TBC1D30: variants seen among roughly 807,000 people sequenced by gnomAD.
The protein encoded by TBC1D30 is TBC1 domain family member 30.
TBC1D30 carries 31 observed loss-of-function variants against 63.2 expected under a neutral mutation model. That is an observed-to-expected ratio of 0.49 (90% CI 0.37 to 0.66). The LOEUF is 0.66. Among genes scored for constraint, TBC1D30 ranks in the 30% least tolerant of loss-of-function variants. TBC1D30 has a pLI of 0.00. For missense variants in TBC1D30, 810 were observed against 953.6 expected, an observed-to-expected ratio of 0.85 and a Z score of 1.98; for synonymous variants, 307 against 361.5, an observed-to-expected ratio of 0.85 and a Z score of 1.71.
At chr12:64,780,709 G>A (rs890514277) in exon 1 of TBC1D30, 2 of 972,738 alleles carry the variant, frequency 2.1e-6, no homozygotes, top group Non-Finnish European at 2.4e-6. Flanking sequence ...CGCCCGGGAG[G>A]GCACCACCGG....
At chr12:64,760,950 C>G (rs61932682) in intron 1 of TBC1D30, among the ~76,000 whole-genome samples, 17,635 of 151,770 alleles carry the variant, frequency 0.12, 1,301 homozygotes, top group East Asian at 0.3. Context: ...ACCCAATCAT[C>G]AGGCTTATGA....
chr12:64,819,836 G>C (rs1169795403), upstream of TBC1D30, among the ~76,000 whole-genome samples: 3 of 152,218 alleles, frequency 2.0e-5, no homozygotes, highest in Non-Finnish European at 4.4e-5. Flanking sequence ...GATGAGGAGA[G>C]AGGAGGAAGA....
At chr12:64,869,819 A>G (rs1336696732) in intron 10 of TBC1D30, among the ~76,000 whole-genome samples, 2 of 152,172 alleles carry the variant, frequency 1.3e-5, no homozygotes, top group Non-Finnish European at 1.5e-5. Flanking sequence ...TCTGAATAAC[A>G]CTCTCAGCAG....
chr12:64,795,389 A>C (rs1277907852), intron 2 of TBC1D30, among the ~76,000 whole-genome samples: 2 of 152,148 alleles, frequency 1.3e-5, no homozygotes. Context: ...CTGGTTGTCC[A>C]AGGACTCTGT....
chr12:64,857,956 T>G (rs1440961010), intron 8 of TBC1D30, among the ~76,000 whole-genome samples: 1 of 152,100 alleles, frequency 6.6e-6, no homozygotes, highest in South Asian at 2.1e-4. Flanking sequence ...CCATGTCTTA[T>G]GGCCACTGCC....
At position 64,878,289 on chromosome 12, in the gene TBC1D30, A is replaced by T; in HGVS notation, c.*2501A>T. 1 of 342,808 alleles carries T rather than the reference A, an allele frequency of 2.9e-6. No individual in the cohort carries two copies. The highest frequency in any genetic ancestry group is 5.8e-6 in the Non-Finnish European group (1 of 172,502). The allele number at this position is 342,808 out of a possible 1,614,324, so 21.2% of individuals were successfully genotyped here. ...TACTTTAGAAAATAAAGAAACCTGC[A>T]GTAGCCTCTACCACACAGCATGTAC... On this transcript the variant is annotated 3_prime_UTR_variant, in exon 12 of 12. Transcript: ENST00000539867.
upstream of TBC1D30, among the ~76,000 whole-genome samples, chr12:64,822,289 T>C (rs1873932224): frequency 6.6e-6 from 1 of 151,882 alleles, no homozygotes; most frequent in Admixed American, 6.6e-5. Context: ...CAAGTGATCC[T>C]CCTGCCTCAG....
chr12:64,766,691 G>A (rs1712662294), intron 1 of TBC1D30, among the ~76,000 whole-genome samples: 1 of 152,086 alleles, frequency 6.6e-6, no homozygotes, highest in South Asian at 2.1e-4. Flanking sequence ...TATAAAATAG[G>A]TAGACCTAAC....
At chr12:64,778,236 T>C (rs1173260885), upstream of TBC1D30, among the ~76,000 whole-genome samples, 1 of 152,208 alleles carries the variant, frequency 6.6e-6, no homozygotes. Context: ...GTTGTTTTTT[T>C]CTCTGGTTTT....
At chr12:64,801,739 A>G (rs908035907) in intron 2 of TBC1D30, among the ~76,000 whole-genome samples, 1 of 152,250 alleles carries the variant, frequency 6.6e-6, no homozygotes, top group African/African-American at 2.4e-5. Context: ...AGAGAAAATT[A>G]GGTTTATCAT....
intron 2 of TBC1D30, among the ~76,000 whole-genome samples, chr12:64,793,781 T>C (rs1324528496): frequency 6.6e-6 from 1 of 152,214 alleles, no homozygotes; most frequent in Non-Finnish European, 1.5e-5. Context: ...TTGTGTTGAC[T>C]TCCCTCACAC....
upstream of TBC1D30, among the ~76,000 whole-genome samples, chr12:64,821,052 A>G (rs530819369): frequency 2.0e-5 from 3 of 152,368 alleles, no homozygotes; most frequent in East Asian, 3.9e-4. Flanking sequence ...TTCTGTCACT[A>G]CTAGTAAAGA....
upstream of TBC1D30, among the ~76,000 whole-genome samples, chr12:64,778,041 C>T (rs1824983): frequency 2.1e-4 from 32 of 152,294 alleles, no homozygotes; most frequent in Non-Finnish European, 3.4e-4. Context: ...GTATTACAGG[C>T]GTGAGCCACT....
chr12:64,827,958 T>C (rs780323361), intron 2 of TBC1D30, 62 bp downstream of exon 2: 14 of 1,092,184 alleles, frequency 1.3e-5, no homozygotes, highest in Non-Finnish European at 1.8e-5. Flanking sequence ...TTGAGATATA[T>C]TCTCAAAGTG....
chr12:64,829,806 T>C (rs1022443337), intron 3 of TBC1D30, among the ~76,000 whole-genome samples: 2 of 152,240 alleles, frequency 1.3e-5, no homozygotes, highest in Admixed American at 1.3e-4. Flanking sequence ...TTATGAAATA[T>C]AACTTTCAGA....
chr12:64,806,503 G>A (rs1207682583), intron 2 of TBC1D30, among the ~76,000 whole-genome samples: 1 of 152,136 alleles, frequency 6.6e-6, no homozygotes, highest in East Asian at 1.9e-4. Flanking sequence ...CTCTGTTATT[G>A]TTTAAAAAAA....
chr12:64,759,556 G>A (rs1195470143), exon 1 of TBC1D30: 1 of 379,406 alleles, frequency 2.6e-6, no homozygotes, highest in Admixed American at 5.6e-5. Flanking sequence ...GAGAACCGGA[G>A]AAAAGGGCGG....
chr12:64,850,488 G>A (rs767910854), intron 8 of TBC1D30, among the ~76,000 whole-genome samples: 10 of 152,140 alleles, frequency 6.6e-5, no homozygotes, highest in East Asian at 1.9e-4. Flanking sequence ...AGCATGGAGC[G>A]GTGTTGAATT....
At chr12:64,775,313 C>T (rs921598373) in intron 1 of TBC1D30, among the ~76,000 whole-genome samples, 2 of 151,714 alleles carry the variant, frequency 1.3e-5, no homozygotes, top group Non-Finnish European at 2.9e-5. Context: ...GGCTAAATGC[C>T]CAATTAAAAG....
Sources: allele counts gnomAD v4.1 joint callset (sites outside exome capture counted in the v4.1 genomes callset), GRCh38; gene constraint gnomAD v4.1.1; transcripts MANE v1.5; gene names NCBI Gene and HGNC (gene_info 2026-07-23, HGNC 2026-07-21).